CRISP2: variants seen among roughly 807,000 people sequenced by gnomAD.
CRISP2 encodes the protein cysteine rich secretory protein 2.
CRISP2 carries 29 observed loss-of-function variants against 31.7 expected under a neutral mutation model. That is an observed-to-expected ratio of 0.92 (90% CI 0.68 to 1.25). The LOEUF (loss-of-function observed/expected upper bound fraction) is 1.25. CRISP2 is among the 50% of genes most tolerant of loss of function. The probability of loss-of-function intolerance (pLI) is 0.00; values close to 1 mark genes in which losing one functional copy is unlikely to be tolerated. For synonymous variants in CRISP2, 111 were observed against 101.4 expected (o/e 1.09, Z -0.57); for missense variants, 318 against 286.5 (o/e 1.11, Z -0.79).
At chr6:49,684,641 AAG>A in the CRISP2 span, among the ~76,000 whole-genome samples, 2 of 152,220 alleles carry the variant, frequency 1.3e-5, no homozygotes, top group African/African-American at 4.8e-5. Context: ...TAACTTAAAA[AAG>A]AAATCTACTT....
At chr6:49,697,501 C>A (rs1764967455) in intron 8 of CRISP2, among the ~76,000 whole-genome samples, 2 of 152,014 alleles carry the variant, frequency 1.3e-5, no homozygotes, top group African/African-American at 2.4e-5. Flanking sequence ...GCAATCTCAC[C>A]AGCACCCTAA....
At chr6:49,690,121 C>A (rs1764002257), downstream of CRISP2, among the ~76,000 whole-genome samples, 1 of 152,008 alleles carries the variant, frequency 6.6e-6, no homozygotes, top group Admixed American at 6.6e-5. Flanking sequence ...ATATTCTGTA[C>A]CCTTAGGTAT....
chr6:49,697,282 C>CGAA (rs1764928168), intron 8 of CRISP2, among the ~76,000 whole-genome samples: 1 of 152,114 alleles, frequency 6.6e-6, no homozygotes, highest in South Asian at 2.1e-4. Context: ...AAAGAGCTTT[C>CGAA]TGTGAACAAT....
the CRISP2 span, among the ~76,000 whole-genome samples, chr6:49,686,376 C>A: frequency 6.6e-6 from 1 of 152,042 alleles, no homozygotes; most frequent in Non-Finnish European, 1.5e-5. Context: ...TTGCTAGAAG[C>A]GAATTAATGA....
At chr6:49,695,152 G>A (rs1219419956) in intron 9 of CRISP2, among the ~76,000 whole-genome samples, 1 of 152,040 alleles carries the variant, frequency 6.6e-6, no homozygotes, top group Non-Finnish European at 1.5e-5. Context: ...ACTACAGAAA[G>A]CCAGCAGCTA....
intron 9 of CRISP2, among the ~76,000 whole-genome samples, chr6:49,695,327 T>C (rs1271959960): frequency 2.6e-5 from 4 of 152,182 alleles, no homozygotes; most frequent in African/African-American, 7.2e-5. Context: ...ATAGGGCAAG[T>C]AATCATTTAT....
chr6:49,697,530 G>A (rs1452451186), intron 8 of CRISP2: 1 of 397,706 alleles, frequency 2.5e-6, no homozygotes, highest in Non-Finnish European at 4.7e-6. Context: ...TACTCCTAGA[G>A]TATGAAATTA....
At chr6:49,691,852 C>G (rs770084214), downstream of CRISP2, among the ~76,000 whole-genome samples, 2 of 151,986 alleles carry the variant, frequency 1.3e-5, no homozygotes, top group Non-Finnish European at 2.9e-5. Flanking sequence ...CTGTTTAATT[C>G]TGTAGGCATT....
intron 4 of CRISP2, among the ~76,000 whole-genome samples, chr6:49,701,601 A>ATTATATATG (rs1765758680): frequency 4.5e-5 from 3 of 66,668 alleles, no homozygotes; most frequent in African/African-American, 1.5e-4. Context: ...ATATATACAC[A>ATTATATATG]CACACACGGT....
At chr6:49,702,283 CT>C (rs1184249944) in intron 4 of CRISP2, among the ~76,000 whole-genome samples, 4 of 148,450 alleles carry the variant, frequency 2.7e-5, no homozygotes, top group African/African-American at 7.4e-5. Context: ...GTGCAAGTGT[CT>C]TTTTTTCATA....
rs1376501998 is a variant in CRISP2, at chr6:49,692,731, A to T, written c.*42T>A. On this transcript the variant is annotated 3_prime_UTR_variant, in exon 10 of 10. Coordinates refer to ENST00000339139, the MANE Select transcript of CRISP2 (RefSeq NM_003296.4). ...CTGGTATGTCGCAATTAAATGATGCAGCCCTTATCCATGCAGTCTTGCACA... is the reference window on the plus strand; with the variant it reads ...CTGGTATGTCGCAATTAAATGATGCTGCCCTTATCCATGCAGTCTTGCACA... 2 of 1,554,740 alleles carry T rather than the reference A, an allele frequency of 1.3e-6. No individual in the cohort carries two copies. The highest frequency in any genetic ancestry group is 1.8e-5 in the Admixed American group (1 of 56,644).
At chr6:49,683,158 C>CT in the CRISP2 span, among the ~76,000 whole-genome samples, 2 of 52,622 alleles carry the variant, frequency 3.8e-5, no homozygotes, top group African/African-American at 1.3e-4. Flanking sequence ...AACTCCATCT[C>CT]AAAATAAATA....
chr6:49,697,794 T>G (rs747939041), intron 8 of CRISP2, 66 bp downstream of exon 8: 1 of 1,604,472 alleles, frequency 6.2e-7, no homozygotes, highest in Non-Finnish European at 8.5e-7. Flanking sequence ...GTTTAAGATA[T>G]GAGAATTATT....
chr6:49,680,749 T>A, the CRISP2 span, among the ~76,000 whole-genome samples: 7 of 152,330 alleles, frequency 4.6e-5, no homozygotes, highest in African/African-American at 1.7e-4. Context: ...TCTCTAATGA[T>A]CCGTGATGTT....
At chr6:49,713,638 G>T (rs1768424711), upstream of CRISP2, 1 of 152,218 alleles carries the variant, frequency 6.6e-6, no homozygotes, top group Admixed American at 6.5e-5. Flanking sequence ...ATCTGCCTAC[G>T]TGAGCTGCTC....
chr6:49,710,269 G>T (rs1007769925), intron 3 of CRISP2, among the ~76,000 whole-genome samples: 1 of 152,174 alleles, frequency 6.6e-6, no homozygotes, highest in Non-Finnish European at 1.5e-5. Flanking sequence ...CATGGAAAAT[G>T]ATATACAATT....
chr6:49,700,115 T>C (rs896635309), intron 5 of CRISP2, among the ~76,000 whole-genome samples: 6 of 152,150 alleles, frequency 3.9e-5, no homozygotes, highest in African/African-American at 1.4e-4. Flanking sequence ...CAATAATATG[T>C]GATTATTTAT....
At chr6:49,707,710 A>G (rs916465616) in intron 4 of CRISP2, among the ~76,000 whole-genome samples, 5 of 152,216 alleles carry the variant, frequency 3.3e-5, no homozygotes, top group African/African-American at 1.2e-4. Context: ...TGAGTGTCAG[A>G]GTCCTCCAGT....
At chr6:49,694,608 G>T (rs1764433368) in intron 9 of CRISP2, among the ~76,000 whole-genome samples, 1 of 152,108 alleles carries the variant, frequency 6.6e-6, no homozygotes, top group Admixed American at 6.5e-5. Flanking sequence ...GTTACCTAGG[G>T]TTTATGAGAG....
Sources: allele counts gnomAD v4.1 joint callset (sites outside exome capture counted in the v4.1 genomes callset), GRCh38; gene constraint gnomAD v4.1.1; transcripts MANE v1.5; gene names NCBI Gene and HGNC (gene_info 2026-07-23, HGNC 2026-07-21).